The following COL20A1 variants were observed in gnomAD, a reference collection of about 807,000 sequenced individuals.
The protein encoded by COL20A1 is collagen type XX alpha 1 chain, also known as collagen alpha-1(XX) chain.
Under a neutral mutation model 152.9 loss-of-function variants are expected in COL20A1, and 164 were observed. The ratio of observed to expected loss-of-function variants is 1.07; its 90% confidence interval spans 0.94 to 1.22. The LOEUF is 1.22. Ranked by LOEUF, COL20A1 falls within the 50% of genes most tolerant of loss-of-function variation. The pLI is 0.00. For missense variants in COL20A1, 1,873 were observed against 1,744.8 expected, an observed-to-expected ratio of 1.07 and a Z score of -1.31; for synonymous variants, 864 against 756.0, an observed-to-expected ratio of 1.14 and a Z score of -2.34.
In COL20A1 at chr20:63,310,483, G is replaced by C; in HGVS notation, c.1366G>C (p.Glu456Gln). Residue 456 changes from glutamate to glutamine, a missense_variant, in exon 11 of 36, where the codon GAA becomes CAA. Physicochemically the swap from Glu to Gln is conservative, Grantham distance 29. Coordinates refer to ENST00000358894, the MANE Select transcript of COL20A1 (RefSeq NM_020882.4). Reference protein sequence around the residue: ...VFPIYEGGVGEGLRGLVTTAP... With the variant: ...VFPIYEGGVGQGLRGLVTTAP... ...CCCCATCTATGAGGGCGGGGTTGGC[G>C]AAGGCCTGCGGGGCCTGGTGACCAC... is the stretch of plus-strand genomic sequence containing the variant. 1 of 1,604,532 alleles carries C rather than the reference G, an allele frequency of 6.2e-7. No homozygotes were observed. Among genetic ancestry groups the C allele is most frequent in the Non-Finnish European group, 8.5e-7 (1 of 1,176,272 alleles).
intron 2 of COL20A1, among the ~76,000 whole-genome samples, chr20:63,296,836 C>A (rs1463189764): frequency 6.6e-6 from 1 of 152,178 alleles, no homozygotes. Context: ...TGCCCCAGTG[C>A]CCCCCAGCCC....
rs751278408 is a variant in COL20A1 at position 63,326,116 on chromosome 20, A to C, written c.3423A>C (p.Gly1141=). Residue 1141 remains glycine, a synonymous_variant, in exon 30 of 36, where the codon GGA becomes GGC. Transcript: ENST00000358894. ...QGPKGMRGLE[G]TAGLPGPPGP... ...ATCAGGGAATGAGAGGCCTGGAGGG[A>C]ACTGCTGGCCTGCCTGGACCCCCTG... is the stretch of plus-strand genomic sequence containing the variant. 63 of 1,612,370 alleles carry C rather than the reference A, an allele frequency of 3.9e-5. No individual in the cohort carries two copies. Among genetic ancestry groups the C allele is most frequent in the Non-Finnish European group, 5.3e-5 (62 of 1,179,646 alleles).
At chr20:63,327,786 A>G in intron 31 of COL20A1, 166 bp from the exon 32 acceptor site, 1 of 676,202 alleles carries the variant, frequency 1.5e-6, no homozygotes, top group Non-Finnish European at 2.6e-6. Flanking sequence ...GGTGCAGGCG[A>G]GGACCACAGG....
At chr20:63,307,428 T>C in intron 5 of COL20A1, 62 bp from the exon 6 acceptor site, 1 of 1,505,876 alleles carries the variant, frequency 6.6e-7, no homozygotes, top group South Asian at 1.2e-5. Context: ...GGGTAGGTGA[T>C]CTGGGGGCCT....
Position 63,311,556 on chromosome 20 carries a change from G to T in COL20A1, c.1539+17G>T, listed in dbSNP as rs777800606. On this transcript the variant is annotated intron_variant, in intron 12 of 35. Transcript: ENST00000358894. This position sits in a 1 kb window ranked among gnomAD's most constrained non-coding sequence, Gnocchi z 4.4. ...GAGCGAGAGGTGAGCTGGGCCGGGG[G>T]GTGGCGGGGGAGGCAGAGGAGTGGG... 1 of 1,604,704 alleles carries T rather than the reference G, an allele frequency of 6.2e-7. No individual in the cohort carries two copies. The highest frequency in any genetic ancestry group is 1.7e-5 in the Admixed American group (1 of 59,232).
intron 2 of COL20A1, 54 bp from the exon 3 acceptor site, chr20:63,297,856 T>G: frequency 7.3e-7 from 1 of 1,365,254 alleles, no homozygotes; most frequent in South Asian, 1.2e-5. Flanking sequence ...CCACAGCTGA[T>G]TAGGTGGATG....
rs915070704 is a variant in COL20A1, at chr20:63,331,299, A to C, written c.*583A>C. ...GGCCCCAGCACCTTCACATCTGGGC[A>C]CAGGCAGGTCCCTGCCTGCCTCATC... On this transcript the variant is annotated 3_prime_UTR_variant, in exon 36 of 36. Transcript: ENST00000358894. 6 of 151,970 alleles carry C rather than the reference A, an allele frequency of 3.9e-5. No individual in the cohort carries two copies. Among genetic ancestry groups the C allele is most frequent in the Non-Finnish European group, 8.8e-5 (6 of 68,056 alleles). 9.4% of individuals were successfully genotyped at this position (151,970 alleles called of 1,614,324 possible).
chr20:63,312,944 G>T lies in COL20A1; in HGVS notation c.2076+10G>T, dbSNP rs1601421953. On this transcript the variant is annotated intron_variant, in intron 16 of 35. Transcript: ENST00000358894. ...GGGGAAGGCTCACGAGGTGGGCAGG[G>T]GTGGGTTTGTCCTTCCGAGGGGCCC... 1.3e-6 allele frequency: 2 copies of T among 1,542,748 alleles called. No homozygotes were observed. Among genetic ancestry groups the T allele is most frequent in the East Asian group, 2.4e-5 (1 of 40,948 alleles).
Position 63,311,571 on chromosome 20 carries a change from AGAG to A in COL20A1, c.1539+36_1539+38del. 1.2e-6 allele frequency: 2 copies of A among 1,609,190 alleles called. No homozygotes were observed. The highest frequency in any genetic ancestry group is 2.2e-5 in the East Asian group (1 of 44,776). On this transcript the variant is annotated intron_variant, in intron 12 of 35. Coordinates refer to ENST00000358894, the MANE Select transcript of COL20A1 (RefSeq NM_020882.4). The surrounding 1 kb of genome is among the most constrained non-coding windows in gnomAD (Gnocchi z 4.4). ...TGGGCCGGGGGGTGGCGGGGGAGGC[AGAG>A]GAGTGGGGCAGAGCGAGTGGGGGCT...
chr20:63,318,943 T>C lies in COL20A1; in HGVS notation c.2664-115T>C, dbSNP rs2068119449. ...CGGGTGCAGGGGTCCACCATGACCC[T>C]CAGAGCAGCCTCAGGGACTGGCACT... On this transcript the variant is annotated intron_variant, in intron 21 of 35. Coordinates refer to ENST00000358894, the MANE Select transcript of COL20A1 (RefSeq NM_020882.4). The C allele has an allele frequency of 6.1e-6, 5 of 814,332 alleles. No individual in the cohort carries two copies. The South Asian group carries it at 8.0e-5, about 13-fold the overall frequency. 50.4% of individuals were successfully genotyped at this position (814,332 alleles called of 1,614,324 possible).
Position 63,305,401 on chromosome 20 carries a change from C to T in COL20A1, c.194-16C>T. 1.3e-6 allele frequency: 2 copies of T among 1,488,232 alleles called. No homozygotes were observed. Among genetic ancestry groups the T allele is most frequent in the African/African-American group, 1.4e-5 (1 of 69,926 alleles). The allele number at this position is 1,488,232 out of a possible 1,614,324, so 92.2% of individuals were successfully genotyped here. ...TGTGCACCTTGGCCTCTAAAGCTCT[C>T]CCCACCCCTACCCAGGGGACTCGGA... On this transcript the variant is annotated splice_polypyrimidine_tract_variant and intron_variant, in intron 3 of 35. Transcript: ENST00000358894. This position sits in a 1 kb window ranked among gnomAD's most constrained non-coding sequence, Gnocchi z 4.9.
intron 3 of COL20A1, among the ~76,000 whole-genome samples, chr20:63,304,220 C>T (rs2067894583): frequency 9.9e-6 from 1 of 100,654 alleles, no homozygotes; most frequent in Non-Finnish European, 2.1e-5. Flanking sequence ...TTCCTCCCTC[C>T]AGGTGTGCAC....
chr20:63,312,319 G>A (rs980073741), intron 14 of COL20A1, 101 bp from the exon 15 acceptor site: 16 of 1,323,158 alleles, frequency 1.2e-5, no homozygotes, highest in African/African-American at 3.0e-5. Flanking sequence ...CTGGGGGGTC[G>A]TGGGGTAGTC....
intron 14 of COL20A1, 38 bp downstream of exon 14, chr20:63,312,093 G>T: frequency 1.3e-6 from 2 of 1,516,708 alleles, no homozygotes; most frequent in South Asian, 1.3e-5. Context: ...AGTGTCTTGA[G>T]GGACCACAGG....
intron 2 of COL20A1, among the ~76,000 whole-genome samples, chr20:63,295,827 T>C (rs2067785920): frequency 6.6e-6 from 1 of 152,228 alleles, no homozygotes; most frequent in Non-Finnish European, 1.5e-5. Flanking sequence ...AATTTCCGTG[T>C]CTATGGAGAA....
Position 63,312,552 on chromosome 20 carries a change from G to C in COL20A1, c.1933+3G>C. The C allele has an allele frequency of 1.3e-6, 2 of 1,566,904 alleles. No homozygotes were observed. Among genetic ancestry groups the C allele is most frequent in the Non-Finnish European group, 1.7e-6 (2 of 1,162,022 alleles). On this transcript the variant is annotated splice_donor_region_variant and intron_variant, in intron 15 of 35. Transcript: ENST00000358894. ...GCTGACTGGCCGGGTGACCACCAGT[G>C]AGTGGGGAGAGGCTGGGGCTGGGGG...
At chr20:63,299,603 G>A (rs974935307) in intron 3 of COL20A1, among the ~76,000 whole-genome samples, 5 of 152,144 alleles carry the variant, frequency 3.3e-5, no homozygotes, top group African/African-American at 9.7e-5. Context: ...CCCAGTGCCC[G>A]TAACCACTGA....
At position 63,306,857 on chromosome 20, in the gene COL20A1, G is replaced by A. The variant is rs372553370; in HGVS notation, c.497-633G>A. 3.3e-5 allele frequency among the ~76,000 whole-genome samples: 5 copies of A among 152,314 alleles called. No individual in the cohort carries two copies. The East Asian group carries it at 5.8e-4, about 18-fold the overall frequency. On this transcript the variant is annotated intron_variant, in intron 5 of 35. Transcript: ENST00000358894. This position sits in a 1 kb window ranked among gnomAD's most constrained non-coding sequence, Gnocchi z 6.9. Reference sequence around the variant, plus strand: ...GGCATATCCCCTCCAGAGGGTCCTCGGGTCCGCTGCTGTCCTCCCCTCAGG... The same window carrying A: ...GGCATATCCCCTCCAGAGGGTCCTCAGGTCCGCTGCTGTCCTCCCCTCAGG...
At chr20:63,307,906 G>A in intron 6 of COL20A1, 65 bp from the exon 7 acceptor site, 1 of 1,584,184 alleles carries the variant, frequency 6.3e-7, no homozygotes, top group South Asian at 1.1e-5. Flanking sequence ...GTGTGGCCTT[G>A]TGCCAAGCTC....
Sources: allele counts gnomAD v4.1 joint callset (sites outside exome capture counted in the v4.1 genomes callset), GRCh38; gene constraint gnomAD v4.1.1; non-coding constraint Gnocchi (gnomAD v3.1); transcripts MANE v1.5; gene names NCBI Gene and HGNC (gene_info 2026-07-23, HGNC 2026-07-21).